Variants in PEX14 observed in about 807,000 individuals in gnomAD.
PEX14 encodes the protein peroxisomal biogenesis factor 14, also known as peroxisomal membrane protein PEX14.
A neutral mutation model predicts 49.5 loss-of-function variants in PEX14; 15 were observed. That is an observed-to-expected ratio of 0.30 (90% CI 0.20 to 0.47). The LOEUF (loss-of-function observed/expected upper bound fraction) is 0.47, where lower values mean the gene tolerates loss of function less well. PEX14 is among the 20% of genes least tolerant of loss of function. The pLI, the probability that PEX14 is intolerant of heterozygous loss-of-function variation, is 1.00. For synonymous variants in PEX14, 210 were observed against 212.7 expected, an observed-to-expected ratio of 0.99 and a Z score of 0.11; for missense variants, 398 against 494.8, an observed-to-expected ratio of 0.80 and a Z score of 1.86.
At chr1:10,543,512 G>A (rs1639078686) in intron 3 of PEX14, among the ~76,000 whole-genome samples, 1 of 152,248 alleles carries the variant, frequency 6.6e-6, no homozygotes, top group Admixed American at 6.5e-5. Context: ...TTAGTGAGGG[G>A]AGGCTCAGGC....
chr1:10,568,372 A>G (rs1170186545), intron 3 of PEX14, among the ~76,000 whole-genome samples: 1 of 130,080 alleles, frequency 7.7e-6, no homozygotes, highest in Non-Finnish European at 1.6e-5. Context: ...TTCAGGAAGT[A>G]TTCTTGTATT....
chr1:10,544,120 T>C (rs1639100422), intron 3 of PEX14, among the ~76,000 whole-genome samples: 1 of 152,216 alleles, frequency 6.6e-6, no homozygotes, highest in African/African-American at 2.4e-5. Context: ...TATCACATAG[T>C]TGATTTTTTC....
chr1:10,551,539 T>G lies in PEX14; in HGVS notation c.169+15242T>G, dbSNP rs573675169. On this transcript the variant is annotated intron_variant, in intron 3 of 8. Coordinates refer to ENST00000356607, the MANE Select transcript of PEX14 (RefSeq NM_004565.3). ...GGTGACTCCAGGGCAGTAAATGTAT[T>G]TCACGCATACTGCCTGAACACTAAC... 5.5e-4 allele frequency among the ~76,000 whole-genome samples: 83 copies of G among 152,280 alleles called. 1 individual carries two copies. The highest frequency in any genetic ancestry group is 1.8e-3 in the African/African-American group (76 of 41,564).
Position 10,629,703 on chromosome 1 carries a change from G to A in PEX14, c.850G>A (p.Glu284Lys), listed in dbSNP as rs763093176. 3 of 1,611,014 alleles carry A rather than the reference G, an allele frequency of 1.9e-6. No individual in the cohort carries two copies. Among genetic ancestry groups the A allele is most frequent in the East Asian group, 2.2e-5 (1 of 44,634 alleles). The change falls in exon 9 of 9, where the codon GAG (glutamate) becomes AAG (lysine). Residue 284 changes from glutamate to lysine, a missense_variant. Transcript: ENST00000356607. The surrounding 1 kb of genome is among the most constrained non-coding windows in gnomAD (Gnocchi z 8.5). ...GCCTGGGAAGGAGGGCCACAGCCCC[G>A]AGGGCTCCACGGTCACCTACCACTT... Reference protein sequence around the residue: ...SSPGKEGHSPEGSTVTYHLLG... With the variant: ...SSPGKEGHSPKGSTVTYHLLG...
At chr1:10,546,251 T>G (rs935992276) in intron 3 of PEX14, among the ~76,000 whole-genome samples, 6 of 151,730 alleles carry the variant, frequency 4.0e-5, no homozygotes, top group African/African-American at 1.5e-4. Flanking sequence ...CTCTAGGAAT[T>G]TTGAGCAGAG....
chr1:10,607,988 G>A (rs1391746557), intron 4 of PEX14, among the ~76,000 whole-genome samples: 3 of 152,122 alleles, frequency 2.0e-5, no homozygotes, highest in Non-Finnish European at 4.4e-5. Flanking sequence ...TCTTCTAGGA[G>A]ACACTGTCTC....
Position 10,495,698 on chromosome 1 carries a change from G to A in PEX14, c.84+377G>A, listed in dbSNP as rs908327379. On this transcript the variant is annotated intron_variant, in intron 2 of 8. Coordinates refer to ENST00000356607, the MANE Select transcript of PEX14 (RefSeq NM_004565.3). The surrounding 1 kb of genome is among the most constrained non-coding windows in gnomAD (Gnocchi z 4.2). Reference sequence around the variant, plus strand: ...CTGCTCTGCCCCTCAGGGTGCGAGCGCCTCAGTGGTCTTTAAAGAACAGGT... The same window carrying A: ...CTGCTCTGCCCCTCAGGGTGCGAGCACCTCAGTGGTCTTTAAAGAACAGGT... Among the ~76,000 whole-genome samples the A allele has an allele frequency of 2.0e-5, 3 of 152,170 alleles. No individual in the cohort carries two copies. Among genetic ancestry groups the A allele is most frequent in the Admixed American group, 6.5e-5 (1 of 15,274 alleles).
At position 10,613,627 on chromosome 1, in the gene PEX14, G is replaced by A. The variant is rs1026126227; in HGVS notation, c.299-4705G>A. ...GGTACTGGTGAGGAACCCCTGCCAC[G>A]CAGCTAGGGCGCCGGTCCTTAGACA... On this transcript the variant is annotated intron_variant, in intron 4 of 8. Coordinates refer to ENST00000356607, the MANE Select transcript of PEX14 (RefSeq NM_004565.3). The surrounding 1 kb of genome is among the most constrained non-coding windows in gnomAD (Gnocchi z 5.0). Among the ~76,000 whole-genome samples the A allele has an allele frequency of 1.3e-5, 2 of 152,202 alleles. No individual in the cohort carries two copies. Among genetic ancestry groups the A allele is most frequent in the Admixed American group, 6.5e-5 (1 of 15,280 alleles).
intron 2 of PEX14, among the ~76,000 whole-genome samples, chr1:10,497,355 G>A (rs935983477): frequency 3.3e-5 from 5 of 152,142 alleles, no homozygotes; most frequent in African/African-American, 7.2e-5. Context: ...GTGGTGTTGC[G>A]GTTTGTGAAA....
intron 3 of PEX14, among the ~76,000 whole-genome samples, chr1:10,577,272 A>G (rs1212516310): frequency 6.7e-6 from 1 of 150,274 alleles, no homozygotes; most frequent in Non-Finnish European, 1.5e-5. Context: ...TGGCACATGC[A>G]TGTAATCCCA....
At chr1:10,616,502 G>A (rs896974972) in intron 4 of PEX14, among the ~76,000 whole-genome samples, 1 of 152,268 alleles carries the variant, frequency 6.6e-6, no homozygotes, top group African/African-American at 2.4e-5. Flanking sequence ...TCCCAGATGA[G>A]CAGCACACTG....
chr1:10,627,020 C>T (rs949393727), intron 7 of PEX14, among the ~76,000 whole-genome samples: 2 of 152,186 alleles, frequency 1.3e-5, no homozygotes, highest in African/African-American at 4.8e-5. Flanking sequence ...GCCCACGATA[C>T]CATTATGTCA....
intron 3 of PEX14, among the ~76,000 whole-genome samples, chr1:10,586,496 T>C (rs1186612758): frequency 6.6e-6 from 1 of 152,180 alleles, no homozygotes; most frequent in East Asian, 1.9e-4. Flanking sequence ...GCATTATTCA[T>C]AGATGGTCCA....
In PEX14 at chr1:10,474,996, G is replaced by C. The variant is rs1307415913; in HGVS notation, c.30G>C (p.Pro10=). The C allele has an allele frequency of 6.2e-6, 10 of 1,610,080 alleles. No individual in the cohort carries two copies. The Admixed American group carries it at 6.7e-5, about 11-fold the overall frequency. The change falls in exon 1 of 9, where the codon CCG becomes CCC. Residue 10 remains proline (P), a synonymous_variant. Transcript: ENST00000356607. ...CGTCCTCGGAGCAGGCAGAGCAGCCGAGCCAGGTAAGGGGAGTGGGACTGC... is the reference window on the plus strand; with the variant it reads ...CGTCCTCGGAGCAGGCAGAGCAGCCCAGCCAGGTAAGGGGAGTGGGACTGC... The part of the protein sequence containing the change: MASSEQAEQ[P]SQPSSTPGSE...
chr1:10,570,413 A>G (rs1285873790), intron 3 of PEX14, among the ~76,000 whole-genome samples: 1 of 151,250 alleles, frequency 6.6e-6, no homozygotes, highest in African/African-American at 2.4e-5. Context: ...GCTCACTGCA[A>G]TCTCCACCTC....
rs375613221 is a variant in PEX14, at chr1:10,582,759, A to G, written c.170-16479A>G. ...TTGGTTTGGTTTGGTTTTGAGATGG[A>G]GTCTCACTCTGTAGCCCAGGCTGGA... On this transcript the variant is annotated intron_variant, in intron 3 of 8. Coordinates refer to ENST00000356607, the MANE Select transcript of PEX14 (RefSeq NM_004565.3). Among the ~76,000 whole-genome samples, 371 of 152,250 alleles carry G rather than the reference A, an allele frequency of 2.4e-3. 2 individuals carry two copies. The highest frequency in any genetic ancestry group is 8.6e-3 in the African/African-American group (357 of 41,546).
chr1:10,513,550 C>A (rs1443860750), intron 2 of PEX14, among the ~76,000 whole-genome samples: 2 of 152,148 alleles, frequency 1.3e-5, no homozygotes, highest in Admixed American at 1.3e-4. Context: ...AGCCAAGTGT[C>A]CCTCGCAGGT....
At chr1:10,486,575 G>A (rs919160332) in intron 1 of PEX14, among the ~76,000 whole-genome samples, 4 of 151,850 alleles carry the variant, frequency 2.6e-5, no homozygotes, top group African/African-American at 4.8e-5. Flanking sequence ...CTAGCTACTC[G>A]GGAGGCTGAG....
In PEX14 at chr1:10,596,869, GC is replaced by G. The variant is rs547525695; in HGVS notation, c.170-2367del. Among the ~76,000 whole-genome samples the G allele has an allele frequency of 2.8e-3, 422 of 152,336 alleles. 3 individuals are homozygous for G. Among genetic ancestry groups the G allele is most frequent in the African/African-American group, 9.2e-3 (384 of 41,576 alleles). ...GAATTTCAGCCAATATAAATTTTGA[GC>G]CTCAAATGATAACGTCTGTGAAAAA... On this transcript the variant is annotated intron_variant, in intron 3 of 8. Coordinates refer to ENST00000356607, the MANE Select transcript of PEX14 (RefSeq NM_004565.3).
Sources: gnomAD v4.1 joint callset for allele counts (sites outside exome capture counted in the v4.1 genomes callset) on GRCh38, gnomAD v4.1.1 for gene constraint, Gnocchi (gnomAD v3.1) non-coding constraint, MANE v1.5 for transcripts, NCBI Gene and HGNC (gene_info 2026-07-23, HGNC 2026-07-21) for gene names.